Variants in EDIL3 observed in about 807,000 individuals in gnomAD.
The protein encoded by EDIL3 is EGF like and discoidin domains 3.
In EDIL3, 37 loss-of-function variants were observed where a neutral mutation model predicts 67.4. The observed-to-expected ratio is 0.55, with a 90% CI of 0.42 to 0.72. EDIL3 has a LOEUF of 0.72. EDIL3 is among the 30% of genes least tolerant of loss of function. The pLI, the probability that EDIL3 is intolerant of heterozygous loss-of-function variation, is 0.00. For missense variants in EDIL3, 527 were observed against 586.3 expected (o/e 0.90, Z 1.04); for synonymous variants, 195 against 196.3 (o/e 0.99, Z 0.05).
intron 4 of EDIL3, among the ~76,000 whole-genome samples, chr5:84,177,814 C>T (rs1748947778): frequency 6.6e-6 from 1 of 151,984 alleles, no homozygotes; most frequent in Non-Finnish European, 1.5e-5. Flanking sequence ...AATAATTTTT[C>T]CAATTTGTCA....
chr5:83,985,037 C>T (rs980169522), intron 9 of EDIL3, among the ~76,000 whole-genome samples: 2 of 151,888 alleles, frequency 1.3e-5, no homozygotes, highest in South Asian at 2.1e-4. Flanking sequence ...TAAATTTCCT[C>T]GATTCTCTTT....
chr5:84,048,783 A>G (rs1424326830), intron 9 of EDIL3, among the ~76,000 whole-genome samples: 1 of 152,086 alleles, frequency 6.6e-6, no homozygotes, highest in Non-Finnish European at 1.5e-5. Context: ...AATTTGTAGT[A>G]TTTTACTTTA....
At chr5:84,008,871 G>C (rs1745470753) in intron 9 of EDIL3, among the ~76,000 whole-genome samples, 1 of 152,186 alleles carries the variant, frequency 6.6e-6, no homozygotes, top group Non-Finnish European at 1.5e-5. Flanking sequence ...AGAATGCAGT[G>C]ATGGGATCTC....
At chr5:84,044,320 T>C (rs982498826) in intron 9 of EDIL3, among the ~76,000 whole-genome samples, 2 of 152,156 alleles carry the variant, frequency 1.3e-5, no homozygotes, top group Non-Finnish European at 2.9e-5. Context: ...TATGTTAATA[T>C]GCATGTGAGA....
At chr5:84,117,029 T>TTTTTTTTTTG (rs1747679595) in intron 5 of EDIL3, among the ~76,000 whole-genome samples, 1 of 123,458 alleles carries the variant, frequency 8.1e-6, no homozygotes, top group Non-Finnish European at 1.6e-5. Flanking sequence ...TATTTTTTTT[T>TTTTTTTTTTG]TTTTTTTTTT....
At chr5:84,117,062 C>G (rs937481187) in intron 5 of EDIL3, among the ~76,000 whole-genome samples, 4 of 120,362 alleles carry the variant, frequency 3.3e-5, no homozygotes, top group African/African-American at 1.3e-4. Context: ...GAGTCTCGCT[C>G]TGTGGCCCAG....
intron 1 of EDIL3, among the ~76,000 whole-genome samples, chr5:84,369,435 A>G (rs1747801534): frequency 6.6e-6 from 1 of 152,138 alleles, no homozygotes; most frequent in Non-Finnish European, 1.5e-5. Context: ...GTATGCTACA[A>G]AACAAATGAA....
At chr5:84,034,849 C>T (rs954225978) in intron 9 of EDIL3, among the ~76,000 whole-genome samples, 4 of 152,100 alleles carry the variant, frequency 2.6e-5, no homozygotes, top group Non-Finnish European at 5.9e-5. Flanking sequence ...CTGGGAGATA[C>T]GTTTTCTCTA....
intron 1 of EDIL3, among the ~76,000 whole-genome samples, chr5:84,373,974 A>C (rs1747911515): frequency 6.6e-6 from 1 of 152,174 alleles, no homozygotes; most frequent in Non-Finnish European, 1.5e-5. Context: ...AAGGGCTACA[A>C]GCTCATATGT....
At position 83,943,546 on chromosome 5, in the gene EDIL3, T is replaced by C; in HGVS notation, c.1316A>G (p.Asn439Ser). 1.9e-6 allele frequency: 3 copies of C among 1,612,220 alleles called. No individual in the cohort carries two copies. The highest frequency in any genetic ancestry group is 2.5e-6 in the Non-Finnish European group (3 of 1,178,908). ...KDKVFQGNFD[N>S]DTHRKNVIDP... Reference sequence around the variant, plus strand: ...GATGACATTTTTTCTGTGAGTGTCATTGTCAAAATTTCCCTGGAAAACCTA... The same window carrying C: ...GATGACATTTTTTCTGTGAGTGTCACTGTCAAAATTTCCCTGGAAAACCTA... Residue 439 changes from asparagine to serine, a missense_variant, in exon 11 of 11, where the codon AAT becomes AGT. Around this residue, in one of 2 missense-constraint regions of EDIL3, gnomAD observed 33 missense variants for 63.7 expected, o/e 0.52. Coordinates refer to ENST00000296591, the MANE Select transcript of EDIL3 (RefSeq NM_005711.5).
At chr5:84,308,954 A>G (rs1746326207) in intron 1 of EDIL3, among the ~76,000 whole-genome samples, 1 of 152,184 alleles carries the variant, frequency 6.6e-6, no homozygotes, top group South Asian at 2.1e-4. Context: ...CATGACAAAT[A>G]GTTGATTAGA....
At chr5:84,306,323 C>T (rs1407224406) in intron 1 of EDIL3, among the ~76,000 whole-genome samples, 1 of 152,132 alleles carries the variant, frequency 6.6e-6, no homozygotes, top group East Asian at 1.9e-4. Flanking sequence ...AAAGTCATAA[C>T]ATTTGGTTAA....
intron 3 of EDIL3, among the ~76,000 whole-genome samples, chr5:84,209,075 G>A (rs2112387389): frequency 6.6e-6 from 1 of 152,222 alleles, no homozygotes; most frequent in South Asian, 2.1e-4. Flanking sequence ...GTCCTTTGTA[G>A]GGACATGGAT....
At chr5:84,018,840 A>G (rs1473432356) in intron 9 of EDIL3, among the ~76,000 whole-genome samples, 1 of 152,204 alleles carries the variant, frequency 6.6e-6, no homozygotes, top group African/African-American at 2.4e-5. Flanking sequence ...CAAAACCACA[A>G]TAAGATACCA....
chr5:84,014,670 A>G (rs942633209), intron 9 of EDIL3, among the ~76,000 whole-genome samples: 2 of 152,110 alleles, frequency 1.3e-5, no homozygotes, highest in South Asian at 2.1e-4. Context: ...AAACAAACAA[A>G]AAGTCTTTGA....
chr5:84,254,062 A>C (rs766189323), intron 2 of EDIL3, 22 bp downstream of exon 2: 4 of 1,570,572 alleles, frequency 2.5e-6, no homozygotes, highest in Non-Finnish European at 3.4e-6. Flanking sequence ...TAACTACTGA[A>C]ATACTTAAAT....
intron 9 of EDIL3, among the ~76,000 whole-genome samples, chr5:84,055,505 A>G (rs1166561390): frequency 6.6e-6 from 1 of 150,936 alleles, no homozygotes; most frequent in African/African-American, 2.5e-5. Flanking sequence ...AGAAACTACC[A>G]TCAGAGTGAA....
chr5:84,183,402 T>C (rs1749048440), intron 3 of EDIL3, among the ~76,000 whole-genome samples: 1 of 152,090 alleles, frequency 6.6e-6, no homozygotes, highest in Admixed American at 6.6e-5. Flanking sequence ...GTAAAAATGA[T>C]AGATTTTGAA....
chr5:83,947,276 G>A (rs557522071), intron 10 of EDIL3, among the ~76,000 whole-genome samples: 1 of 151,708 alleles, frequency 6.6e-6, no homozygotes, highest in South Asian at 2.1e-4. Context: ...CTTACTGACT[G>A]TATCTGTACA....
Sources: allele counts gnomAD v4.1 joint callset (sites outside exome capture counted in the v4.1 genomes callset), GRCh38; gene constraint gnomAD v4.1.1; regional missense constraint gnomAD v4.1.1; transcripts MANE v1.5; gene names NCBI Gene and HGNC (gene_info 2026-07-23, HGNC 2026-07-21).